TTC38: variants seen among roughly 807,000 people sequenced by gnomAD.
TTC38 encodes tetratricopeptide repeat protein 38.
A neutral mutation model predicts 64.2 loss-of-function variants in TTC38; 64 were observed. That is an observed-to-expected ratio of 1.00 (90% CI 0.81 to 1.23). TTC38 has a LOEUF of 1.23. Among genes scored for constraint, TTC38 ranks in the 50% most tolerant of loss-of-function variants. The probability of loss-of-function intolerance (pLI) is 0.00; values close to 1 mark genes in which losing one functional copy is unlikely to be tolerated. For missense variants in TTC38, 573 were observed against 615.5 expected (o/e 0.93, Z 0.73); for synonymous variants, 254 against 249.3 (o/e 1.02, Z -0.18).
At chr22:46,289,749 G>C in intron 12 of TTC38, 77 bp from the exon 13 acceptor site, 1 of 1,545,460 alleles carries the variant, frequency 6.5e-7, no homozygotes, top group East Asian at 2.2e-5. Flanking sequence ...CTGGAGAGCA[G>C]GCAGCCCGCG....
intron 2 of TTC38, chr22:46,269,088 G>A: frequency 2.7e-6 from 1 of 376,294 alleles, no homozygotes; most frequent in Non-Finnish European, 5.4e-6. Context: ...ACATATCTCT[G>A]CCCCCCCCCC....
At position 46,276,811 on chromosome 22, in the gene TTC38, A is replaced by AATATATATATTAAAT. The variant is rs2077492194; in HGVS notation, c.539+1401_539+1415dup. Reference sequence around the variant, plus strand: ...ATATATATTAAAAATTATATATTAAAATATATATATTAAATATATATATAT... The same window carrying AATATATATATTAAAT: ...ATATATATTAAAAATTATATATTAAAATATATATATTAAATATATATATATTAAATATATATATAT... On this transcript the variant is annotated intron_variant, in intron 5 of 13. Coordinates refer to ENST00000381031, the MANE Select transcript of TTC38 (RefSeq NM_017931.4). The surrounding 1 kb of genome is among the most constrained non-coding windows in gnomAD (Gnocchi z 4.7). Among the ~76,000 whole-genome samples the AATATATATATTAAAT allele has an allele frequency of 7.2e-6, 1 of 138,184 alleles. No homozygotes were observed. Among genetic ancestry groups the AATATATATATTAAAT allele is most frequent in the Admixed American group, 7.2e-5 (1 of 13,958 alleles). The allele number at this position is 138,184 out of a possible 152,430, so 90.7% of individuals were successfully genotyped here.
rs1936921655 is a variant in TTC38 at position 46,272,703 on chromosome 22, G to A, written c.193+287G>A. ...ATCTCATTTCTCAGATGAGGAAACT[G>A]AGGGTTGGCAAGAGTAAGACTGTAC... On this transcript the variant is annotated intron_variant, in intron 3 of 13. Transcript: ENST00000381031. This position sits in a 1 kb window ranked among gnomAD's most constrained non-coding sequence, Gnocchi z 6.4. Among the ~76,000 whole-genome samples, 1 of 152,222 alleles carries A rather than the reference G, an allele frequency of 6.6e-6. No individual in the cohort carries two copies. The highest frequency in any genetic ancestry group is 1.5e-5 in the Non-Finnish European group (1 of 68,042).
At chr22:46,278,444 A>G in intron 5 of TTC38, 142 bp from the exon 6 acceptor site, 1 of 684,590 alleles carries the variant, frequency 1.5e-6, no homozygotes, top group Non-Finnish European at 2.6e-6. Flanking sequence ...TAAACTTATT[A>G]CCTCTGCAAA....
In TTC38 at chr22:46,278,568, C is replaced by A. The variant is rs2077510098; in HGVS notation, c.540-18C>A. 2 of 1,608,126 alleles carry A rather than the reference C, an allele frequency of 1.2e-6. No homozygotes were observed. The highest frequency in any genetic ancestry group is 1.3e-5 in the African/African-American group (1 of 74,926). ...CATCCATCATTTTGTATTCTGAGAT[C>A]TTTTTTTCTGTTTTTAGCTATGTGA... is the stretch of plus-strand genomic sequence containing the variant. On this transcript the variant is annotated intron_variant, in intron 5 of 13. Transcript: ENST00000381031.
intron 7 of TTC38, 88 bp from the exon 8 acceptor site, chr22:46,283,885 G>A: frequency 2.0e-6 from 1 of 507,196 alleles, no homozygotes; most frequent in South Asian, 1.9e-5. Context: ...AAAAGATGAT[G>A]GTTTCTGCAT....
intron 13 of TTC38, among the ~76,000 whole-genome samples, chr22:46,290,233 C>T (rs532590445): frequency 2.6e-5 from 4 of 152,292 alleles, no homozygotes; most frequent in East Asian, 1.9e-4. Context: ...TGCACCTGGC[C>T]GACACCTAAT....
At chr22:46,287,972 T>C (rs1350169433) in intron 10 of TTC38, among the ~76,000 whole-genome samples, 1 of 152,038 alleles carries the variant, frequency 6.6e-6, no homozygotes, top group Non-Finnish European at 1.5e-5. Context: ...TGTGGTCAGA[T>C]GGGCCAACAG....
Position 46,281,535 on chromosome 22 carries a change from C to A in TTC38, c.616-64C>A. 6.3e-7 allele frequency: 1 copy of A among 1,593,420 alleles called. No individual in the cohort carries two copies. The highest frequency in any genetic ancestry group is 1.1e-5 in the South Asian group (1 of 90,120). On this transcript the variant is annotated intron_variant, in intron 6 of 13. Coordinates refer to ENST00000381031, the MANE Select transcript of TTC38 (RefSeq NM_017931.4). This position sits in a 1 kb window ranked among gnomAD's most constrained non-coding sequence, Gnocchi z 5.2. ...CTCTTGCCCCTTAGAGACCTGCCGT[C>A]GCCTGCCCCGGCAGCCTGACTGATC...
At chr22:46,285,330 G>A in intron 9 of TTC38, 51 bp downstream of exon 9, 1 of 1,567,788 alleles carries the variant, frequency 6.4e-7, no homozygotes, top group Non-Finnish European at 8.8e-7. Flanking sequence ...TTGCCTTTGA[G>A]TCTCAAAGAG....
chr22:46,278,446 C>T (rs1033026765), intron 5 of TTC38, 140 bp from the exon 6 acceptor site: 8 of 695,670 alleles, frequency 1.1e-5, no homozygotes, highest in African/African-American at 7.0e-5. Context: ...AACTTATTAC[C>T]TCTGCAAAGA....
At chr22:46,290,547 G>GGTGAGT (rs567591961) in intron 13 of TTC38, among the ~76,000 whole-genome samples, 6,161 of 137,724 alleles carry the variant, frequency 0.045, 200 homozygotes, top group Non-Finnish European at 0.068. Context: ...GTGGCTGGAG[G>GGTGAGT]GTGTTAGGAG....
chr22:46,277,095 A>C (rs1208636099), intron 5 of TTC38, among the ~76,000 whole-genome samples: 1 of 150,816 alleles, frequency 6.6e-6, no homozygotes, highest in African/African-American at 2.4e-5. Flanking sequence ...ATACATTTTA[A>C]AGATAACTCT....
rs934502053 is a variant in TTC38 at position 46,291,061 on chromosome 22, G to T, written c.1316+1162G>T. On this transcript the variant is annotated intron_variant, in intron 13 of 13. Coordinates refer to ENST00000381031, the MANE Select transcript of TTC38 (RefSeq NM_017931.4). The surrounding 1 kb of genome is among the most constrained non-coding windows in gnomAD (Gnocchi z 4.6). ...ACCAGCGCAGCTCCCTCCAGGCAGG[G>T]TTACCCAAACTGAGCTGTACAGGTT... Among the ~76,000 whole-genome samples the T allele has an allele frequency of 5.3e-5, 8 of 152,184 alleles. No homozygotes were observed. Among genetic ancestry groups the T allele is most frequent in the African/African-American group, 1.4e-4 (6 of 41,450 alleles).
Position 46,273,941 on chromosome 22 carries a change from T to C in TTC38, c.237T>C (p.Thr79=). The change falls in exon 4 of 14, where the codon ACT becomes ACC. Residue 79 remains threonine (T), a synonymous_variant. Transcript: ENST00000381031. This position sits in a 1 kb window ranked among gnomAD's most constrained non-coding sequence, Gnocchi z 5.1. ...AMATGLVLIG[T]GSSVKLDKEL... is the part of the protein sequence containing the mutation. The stretch of plus-strand genomic sequence containing the variant: ...CTACTGGCCTTGTGCTGATTGGCAC[T>C]GGAAGCTCCGTGAAGCTGGACAAAG... 3.1e-6 allele frequency: 5 copies of C among 1,614,222 alleles called. No homozygotes were observed. Among genetic ancestry groups the C allele is most frequent in the Non-Finnish European group, 3.4e-6 (4 of 1,180,036 alleles).
At chr22:46,289,719 G>C in intron 12 of TTC38, 107 bp from the exon 13 acceptor site, 1 of 1,459,964 alleles carries the variant, frequency 6.8e-7, no homozygotes, top group Non-Finnish European at 9.6e-7. Context: ...TGAGGGTGTG[G>C]CATCAACACC....
At chr22:46,278,694 T>G in intron 6 of TTC38, 33 bp downstream of exon 6, 15 of 1,573,148 alleles carry the variant, frequency 9.5e-6, no homozygotes, top group Non-Finnish European at 1.3e-5. Flanking sequence ...GCCTGACCCC[T>G]CAGGGAGTAG....
rs78034916 is a variant in TTC38, at chr22:46,283,623, G to T, written c.736-350G>T. Among the ~76,000 whole-genome samples, 3 of 152,062 alleles carry T rather than the reference G, an allele frequency of 2.0e-5. No homozygotes were observed. The East Asian group carries it at 5.8e-4, about 29-fold the overall frequency. On this transcript the variant is annotated intron_variant, in intron 7 of 13. Coordinates refer to ENST00000381031, the MANE Select transcript of TTC38 (RefSeq NM_017931.4). Reference sequence around the variant, plus strand: ...TCCCAGCACTTTGGGAGGCTGAGGCGGGCGGATCACCTGAGGTCAGAAGTT... The same window carrying T: ...TCCCAGCACTTTGGGAGGCTGAGGCTGGCGGATCACCTGAGGTCAGAAGTT...
chr22:46,275,547 C>G lies in TTC38; in HGVS notation c.539+126C>G. 10 of 978,882 alleles carry G rather than the reference C, an allele frequency of 1.0e-5. No individual in the cohort carries two copies. In the South Asian group the frequency reaches 1.4e-4, roughly 13 times the overall value. 60.6% of individuals were successfully genotyped at this position (978,882 alleles called of 1,614,324 possible). A position where few individuals can be genotyped will look rare whatever the true frequency, so the allele number is the denominator to read the frequency against. On this transcript the variant is annotated intron_variant, in intron 5 of 13. Coordinates refer to ENST00000381031, the MANE Select transcript of TTC38 (RefSeq NM_017931.4). This position sits in a 1 kb window ranked among gnomAD's most constrained non-coding sequence, Gnocchi z 4.5. ...ACCACTGTTGCTATTCTCCTAGTTC[C>G]TTAAAGTTCAAAGGCCTCATTTTCT... is the stretch of plus-strand genomic sequence containing the variant.
Sources: gnomAD v4.1 joint callset for allele counts (sites outside exome capture counted in the v4.1 genomes callset) on GRCh38, gnomAD v4.1.1 for gene constraint, Gnocchi (gnomAD v3.1) non-coding constraint, MANE v1.5 for transcripts, NCBI Gene and HGNC (gene_info 2026-07-23, HGNC 2026-07-21) for gene names.